The following PCDHGA7 variants were observed in gnomAD, a reference collection of about 807,000 sequenced individuals.
The protein encoded by PCDHGA7 is protocadherin gamma-A7.
A neutral mutation model predicts 58.3 loss-of-function variants in PCDHGA7; 44 were observed. The ratio of observed to expected loss-of-function variants is 0.75; its 90% CI spans 0.59 to 0.97. The LOEUF (loss-of-function observed/expected upper bound fraction) is 0.97, where lower values mean the gene tolerates loss of function less well. PCDHGA7 is among the 50% of genes least tolerant of loss of function. The pLI, the probability that PCDHGA7 is intolerant of heterozygous loss-of-function variation, is 0.00. For missense variants in PCDHGA7, 1,266 were observed against 1,188.7 expected, an observed-to-expected ratio of 1.06 and a Z score of -0.96; for synonymous variants, 516 against 504.2, an observed-to-expected ratio of 1.02 and a Z score of -0.31.
chr5:141,431,397 C>A lies in PCDHGA7; in HGVS notation c.2424+46074C>A. ...AAGGCTGCTCACCACCTGGTCCTTA[C>A]GGCCTCCGACGGGGGCGACCCGGTG... On this transcript the variant is annotated intron_variant, in intron 1 of 3. Coordinates refer to ENST00000518325, the MANE Select transcript of PCDHGA7 (RefSeq NM_018920.4). The surrounding 1 kb of genome is among the most constrained non-coding windows in gnomAD (Gnocchi z 4.8). 3.1e-6 allele frequency: 5 copies of A among 1,613,782 alleles called. No individual in the cohort carries two copies. Among genetic ancestry groups the A allele is most frequent in the Non-Finnish European group, 4.2e-6 (5 of 1,180,034 alleles).
At chr5:141,460,724 A>C (rs1294708205) in intron 1 of PCDHGA7, among the ~76,000 whole-genome samples, 1 of 152,114 alleles carries the variant, frequency 6.6e-6, no homozygotes, top group African/African-American at 2.4e-5. Context: ...TGTTATAAGC[A>C]TATATACACA....
Position 141,485,856 on chromosome 5 carries a change from T to C in PCDHGA7, c.2425-8951T>C. ...CCGCCGAGATCTGGCACCGCAGAGC[T>C]CCGGGTATCCGTGCTGGACGTAAAC... is the stretch of plus-strand genomic sequence containing the variant. On this transcript the variant is annotated intron_variant, in intron 1 of 3. Coordinates refer to ENST00000518325, the MANE Select transcript of PCDHGA7 (RefSeq NM_018920.4). The surrounding 1 kb of genome is among the most constrained non-coding windows in gnomAD (Gnocchi z 5.7). 1 of 1,614,108 alleles carries C rather than the reference T, an allele frequency of 6.2e-7. No individual in the cohort carries two copies. The highest frequency in any genetic ancestry group is 8.5e-7 in the Non-Finnish European group (1 of 1,180,014).
In PCDHGA7 at chr5:141,490,751, C is replaced by T. The variant is rs2099703884; in HGVS notation, c.2425-4056C>T. 6.2e-6 allele frequency: 10 copies of T among 1,614,092 alleles called. No individual in the cohort carries two copies. The highest frequency in any genetic ancestry group is 1.7e-5 in the Admixed American group (1 of 60,012). ...AATCAGGTTCAGGGAGCCCCAGCCT[C>T]CTCCTTTGTGTATGTCAACCCAGAG... On this transcript the variant is annotated intron_variant, in intron 1 of 3. Coordinates refer to ENST00000518325, the MANE Select transcript of PCDHGA7 (RefSeq NM_018920.4). This position sits in a 1 kb window ranked among gnomAD's most constrained non-coding sequence, Gnocchi z 5.4.
In PCDHGA7 at chr5:141,493,755, A is replaced by C. The variant is rs1364524112; in HGVS notation, c.2425-1052A>C. Among the ~76,000 whole-genome samples, 1 of 152,148 alleles carries C rather than the reference A, an allele frequency of 6.6e-6. No homozygotes were observed. The highest frequency in any genetic ancestry group is 2.4e-5 in the African/African-American group (1 of 41,440). On this transcript the variant is annotated intron_variant, in intron 1 of 3. Coordinates refer to ENST00000518325, the MANE Select transcript of PCDHGA7 (RefSeq NM_018920.4). The surrounding 1 kb of genome is among the most constrained non-coding windows in gnomAD (Gnocchi z 4.3). ...ATATCACTGCCACCTGTGAGCCTTG[A>C]GTGAGCCACTGGCAGTTCCGGAGCT...
In PCDHGA7 at chr5:141,409,436, C is replaced by T. The variant is rs368696166; in HGVS notation, c.2424+24113C>T. Reference sequence around the variant, plus strand: ...ACTGGTGACAGATGGAGCCCTGGACCGAGAGCAGACACCAGAATACAATGT... The same window carrying T: ...ACTGGTGACAGATGGAGCCCTGGACTGAGAGCAGACACCAGAATACAATGT... On this transcript the variant is annotated intron_variant, in intron 1 of 3. Transcript: ENST00000518325. 6 of 1,613,864 alleles carry T rather than the reference C, an allele frequency of 3.7e-6. 1 individual carries two copies. The highest frequency in any genetic ancestry group is 5.1e-6 in the Non-Finnish European group (6 of 1,179,900).
intron 1 of PCDHGA7, among the ~76,000 whole-genome samples, chr5:141,445,793 CAG>C (rs1466260011): frequency 6.6e-6 from 1 of 152,132 alleles, no homozygotes; most frequent in Admixed American, 6.5e-5. Context: ...AGGCTAGAAA[CAG>C]AAAATAAATA....
chr5:141,462,998 C>A (rs562002585), intron 1 of PCDHGA7, among the ~76,000 whole-genome samples: 3 of 152,190 alleles, frequency 2.0e-5, no homozygotes, highest in Admixed American at 2.0e-4. Context: ...CTAATTTAGA[C>A]CTACCACTTA....
Position 141,420,935 on chromosome 5 carries a change from A to G in PCDHGA7, c.2424+35612A>G, listed in dbSNP as rs542779087. ...GTGATTCACAAAGGTGAGCGTAATCATTTCTTCTGGAATTTCTTAGTCGTT... is the reference window on the plus strand; with the variant it reads ...GTGATTCACAAAGGTGAGCGTAATCGTTTCTTCTGGAATTTCTTAGTCGTT... On this transcript the variant is annotated intron_variant, in intron 1 of 3. Coordinates refer to ENST00000518325, the MANE Select transcript of PCDHGA7 (RefSeq NM_018920.4). 2.6e-5 allele frequency: 10 copies of G among 380,486 alleles called. 1 individual carries two copies. Among genetic ancestry groups the G allele is most frequent in the African/African-American group, 1.7e-4 (8 of 47,720 alleles). The allele number at this position is 380,486 out of a possible 1,614,324, so 23.6% of individuals were successfully genotyped here.
chr5:141,399,865 C>T, intron 1 of PCDHGA7: 1 of 1,612,866 alleles, frequency 6.2e-7, no homozygotes, highest in African/African-American at 1.3e-5. Flanking sequence ...CGCTGCAGAG[C>T]CCGGCTACCT....
At chr5:141,481,607 C>A (rs2099540195) in intron 1 of PCDHGA7, among the ~76,000 whole-genome samples, 1 of 152,158 alleles carries the variant, frequency 6.6e-6, no homozygotes, top group Admixed American at 6.5e-5. Flanking sequence ...CACCTGAGGC[C>A]AGGAGTTCAA....
Position 141,404,163 on chromosome 5 carries a change from T to C in PCDHGA7, c.2424+18840T>C, listed in dbSNP as rs372897104. The C allele has an allele frequency of 4.6e-5, 74 of 1,613,126 alleles. No homozygotes were observed. The South Asian group carries it at 7.9e-4, about 17-fold the overall frequency. ...AATTCAGAAGAAGATTATTACAGATTGTTGACGGCCCAAATTCTTGACCGA... is the reference window on the plus strand; with the variant it reads ...AATTCAGAAGAAGATTATTACAGATCGTTGACGGCCCAAATTCTTGACCGA... On this transcript the variant is annotated intron_variant, in intron 1 of 3. Transcript: ENST00000518325.
At chr5:141,398,644 T>C (rs772408476) in intron 1 of PCDHGA7, 7 of 1,613,908 alleles carry the variant, frequency 4.3e-6, no homozygotes, top group Non-Finnish European at 5.9e-6. Context: ...GTATAAACTC[T>C]CTCTTAACCC....
At chr5:141,413,102 G>A in intron 1 of PCDHGA7, 1 of 1,480,778 alleles carries the variant, frequency 6.8e-7, no homozygotes, top group Non-Finnish European at 9.1e-7. Context: ...TGAAGCCACA[G>A]AAAGACAAAG....
chr5:141,495,644 A>C (rs767670166), intron 2 of PCDHGA7, among the ~76,000 whole-genome samples: 1 of 151,770 alleles, frequency 6.6e-6, no homozygotes, highest in African/African-American at 2.4e-5. Flanking sequence ...TCATTTGTCT[A>C]CTTGCATTGA....
intron 1 of PCDHGA7, among the ~76,000 whole-genome samples, chr5:141,455,570 A>T (rs181469693): frequency 2.6e-5 from 4 of 152,222 alleles, no homozygotes; most frequent in Non-Finnish European, 5.9e-5. Context: ...TGGCCCTCCC[A>T]CCCCAGCCTT....
rs78612001 is a variant in PCDHGA7 at position 141,432,435 on chromosome 5, C to A, written c.2424+47112C>A. ...TTCGTGCTGGACCAGAACGACAATG[C>A]GCCCGAGATCCTGTACCCCGCCCTC... On this transcript the variant is annotated intron_variant, in intron 1 of 3. Coordinates refer to ENST00000518325, the MANE Select transcript of PCDHGA7 (RefSeq NM_018920.4). The surrounding 1 kb of genome is among the most constrained non-coding windows in gnomAD (Gnocchi z 6.0). The A allele has an allele frequency of 0.027, 43,228 of 1,614,212 alleles. 830 individuals are homozygous for A. The highest frequency in any genetic ancestry group is 0.092 in the African/African-American group (6,903 of 75,054).
At chr5:141,420,210 A>T (rs1415966611) in intron 1 of PCDHGA7, 1 of 1,612,612 alleles carries the variant, frequency 6.2e-7, no homozygotes, top group East Asian at 2.2e-5. Flanking sequence ...CTCAACAAAG[A>T]TAGCATGCTA....
rs746838072 is a variant in PCDHGA7 at position 141,486,116 on chromosome 5, T to A, written c.2425-8691T>A. ...GCCCCTAGACTTTGAGAGTGAGAATTACTATGAATTTGATGTGCGGGCTCG... is the reference window on the plus strand; with the variant it reads ...GCCCCTAGACTTTGAGAGTGAGAATAACTATGAATTTGATGTGCGGGCTCG... On this transcript the variant is annotated intron_variant, in intron 1 of 3. Coordinates refer to ENST00000518325, the MANE Select transcript of PCDHGA7 (RefSeq NM_018920.4). This position sits in a 1 kb window ranked among gnomAD's most constrained non-coding sequence, Gnocchi z 5.0. 1.1e-5 allele frequency: 17 copies of A among 1,613,638 alleles called. No homozygotes were observed. Among genetic ancestry groups the A allele is most frequent in the Non-Finnish European group, 1.4e-5 (17 of 1,179,610 alleles).
chr5:141,390,388 G>C, intron 1 of PCDHGA7: 1 of 1,423,474 alleles, frequency 7.0e-7, no homozygotes, highest in Admixed American at 2.1e-5. Context: ...TAGATGTCAT[G>C]GATCATTTTA....
Sources: gnomAD v4.1 joint callset for allele counts (sites outside exome capture counted in the v4.1 genomes callset) on GRCh38, gnomAD v4.1.1 for gene constraint, Gnocchi (gnomAD v3.1) non-coding constraint, MANE v1.5 for transcripts, NCBI Gene and HGNC (gene_info 2026-07-23, HGNC 2026-07-21) for gene names.